Variants in UBE2QL1 observed in about 807,000 individuals in gnomAD.
UBE2QL1 encodes ubiquitin conjugating enzyme E2 QL1.
UBE2QL1 carries 5 observed loss-of-function variants against 12.6 expected under a neutral mutation model. The observed-to-expected ratio is 0.40, with a 90% CI of 0.21 to 0.83. The LOEUF is 0.83. Among genes scored for constraint, UBE2QL1 ranks in the 40% least tolerant of loss-of-function variants. UBE2QL1 has a pLI of 0.37. For synonymous variants in UBE2QL1, 96 were observed against 94.5 expected, an observed-to-expected ratio of 1.02 and a Z score of -0.10; for missense variants, 99 against 222.6, an observed-to-expected ratio of 0.44 and a Z score of 3.53.
intron 1 of UBE2QL1, among the ~76,000 whole-genome samples, chr5:6,465,555 T>C (rs1295010327): frequency 3.3e-5 from 5 of 152,168 alleles, no homozygotes; most frequent in Admixed American, 1.3e-4. Context: ...TCAACCTCGG[T>C]TTCCACTCCC....
intron 1 of UBE2QL1, among the ~76,000 whole-genome samples, chr5:6,456,854 C>T (rs566562804): frequency 5.3e-5 from 8 of 152,174 alleles, no homozygotes; most frequent in East Asian, 1.9e-4. Flanking sequence ...AGAAGCTGCC[C>T]GACCTTGCCC....
At chr5:6,484,833 C>T (rs758510437) in intron 1 of UBE2QL1, among the ~76,000 whole-genome samples, 5 of 151,808 alleles carry the variant, frequency 3.3e-5, no homozygotes, top group African/African-American at 1.2e-4. Context: ...CTGACAGATT[C>T]GGAACCCACC....
At chr5:6,457,485 C>A (rs1171508558) in intron 1 of UBE2QL1, among the ~76,000 whole-genome samples, 3 of 152,158 alleles carry the variant, frequency 2.0e-5, no homozygotes, top group Non-Finnish European at 4.4e-5. Context: ...TTTGTTTGTG[C>A]CAAATAGATG....
At chr5:6,471,272 A>G (rs928077314) in intron 1 of UBE2QL1, among the ~76,000 whole-genome samples, 1 of 152,208 alleles carries the variant, frequency 6.6e-6, no homozygotes, top group African/African-American at 2.4e-5. Flanking sequence ...TGTCTTGAAG[A>G]CACCAACATG....
chr5:6,448,987 C>T lies in UBE2QL1; in HGVS notation c.94C>T (p.His32Tyr). The T allele has an allele frequency of 6.5e-7, 1 of 1,549,946 alleles. No individual in the cohort carries two copies. The highest frequency in any genetic ancestry group is 8.7e-7 in the Non-Finnish European group (1 of 1,146,288). The change falls in exon 1 of 2, where the codon CAC (histidine) becomes TAC (tyrosine). Residue 32 changes from histidine to tyrosine, a missense_variant. His to Tyr is a moderately conservative substitution (Grantham distance 83). Transcript: ENST00000399816. Reference sequence around the variant, plus strand: ...CCTGTTCGACTGGAACGTGAAGCTGCACCAGGTGGACAAGGACTCGGTGCT... The same window carrying T: ...CCTGTTCGACTGGAACGTGAAGCTGTACCAGGTGGACAAGGACTCGGTGCT... ...ESLFDWNVKL[H>Y]QVDKDSVLWQ...
At chr5:6,449,825 TC>T (rs1739374857) in intron 1 of UBE2QL1, among the ~76,000 whole-genome samples, 1 of 150,960 alleles carries the variant, frequency 6.6e-6, no homozygotes, top group African/African-American at 2.4e-5. Flanking sequence ...TTTCTGGACC[TC>T]AGGATTTAAG....
intron 1 of UBE2QL1, among the ~76,000 whole-genome samples, chr5:6,480,176 G>C (rs1400467169): frequency 6.6e-6 from 1 of 152,222 alleles, no homozygotes; most frequent in East Asian, 1.9e-4. Context: ...GCCTGGCCTT[G>C]GGGTTCAGAG....
chr5:6,488,853 A>G (rs1267043452), intron 1 of UBE2QL1, among the ~76,000 whole-genome samples: 1 of 152,150 alleles, frequency 6.6e-6, no homozygotes, highest in Non-Finnish European at 1.5e-5. Context: ...CAAAGATGTG[A>G]AAGATGTGTT....
rs892498278 is a variant in UBE2QL1 at position 6,495,613 on chromosome 5, A to G, written c.*4264A>G. Among the ~76,000 whole-genome samples the G allele has an allele frequency of 2.0e-5, 3 of 152,192 alleles. No homozygotes were observed. The highest frequency in any genetic ancestry group is 4.4e-5 in the Non-Finnish European group (3 of 68,036). ...CCCATCATTGAATCAGTACAGTTGC[A>G]AGTCTTCCAAGCCAGCTGAGAAACA... On this transcript the variant is annotated 3_prime_UTR_variant, in exon 2 of 2. Transcript: ENST00000399816.
At chr5:6,470,678 G>C (rs1024183452) in intron 1 of UBE2QL1, among the ~76,000 whole-genome samples, 3 of 152,208 alleles carry the variant, frequency 2.0e-5, no homozygotes, top group Admixed American at 1.3e-4. Context: ...AGCCCCCAAG[G>C]GTGCAGGCTG....
At chr5:6,463,259 T>C (rs1739712108) in intron 1 of UBE2QL1, among the ~76,000 whole-genome samples, 1 of 152,210 alleles carries the variant, frequency 6.6e-6, no homozygotes. Context: ...AGTACATTCT[T>C]TTATTTATTC....
At chr5:6,487,124 T>G (rs1015679550) in intron 1 of UBE2QL1, among the ~76,000 whole-genome samples, 1 of 152,206 alleles carries the variant, frequency 6.6e-6, no homozygotes, top group African/African-American at 2.4e-5. Flanking sequence ...ATGAGAAGCA[T>G]TAGACAATTA....
chr5:6,470,601 G>A (rs1739891715), intron 1 of UBE2QL1, among the ~76,000 whole-genome samples: 1 of 152,182 alleles, frequency 6.6e-6, no homozygotes, highest in Admixed American at 6.5e-5. Flanking sequence ...AGTCTGAGGT[G>A]TGCACATCTT....
rs1734631215 is a variant in UBE2QL1 at position 6,494,430 on chromosome 5, T to C, written c.*3081T>C. 6.6e-6 allele frequency: 1 copy of C among 152,150 alleles called. No individual in the cohort carries two copies. The highest frequency in any genetic ancestry group is 1.5e-5 in the Non-Finnish European group (1 of 68,034). The allele number at this position is 152,150 out of a possible 1,614,324, so 9.4% of individuals were successfully genotyped here. On this transcript the variant is annotated 3_prime_UTR_variant, in exon 2 of 2. Transcript: ENST00000399816. ...CCATCTATCAAAATTTGACCTTTTT[T>C]TAAGAGAAAAATATGTAGATGAGTG...
intron 1 of UBE2QL1, among the ~76,000 whole-genome samples, chr5:6,483,265 G>C (rs1445398694): frequency 6.6e-6 from 1 of 151,956 alleles, no homozygotes; most frequent in Non-Finnish European, 1.5e-5. Flanking sequence ...GTGAAACCCC[G>C]TCTCTACTGA....
chr5:6,470,731 G>A (rs1394070604), intron 1 of UBE2QL1, among the ~76,000 whole-genome samples: 2 of 152,198 alleles, frequency 1.3e-5, no homozygotes, highest in Non-Finnish European at 2.9e-5. Context: ...CAGTTAGGAG[G>A]CCTCCAGTTC....
chr5:6,484,717 C>T (rs1649515690), intron 1 of UBE2QL1, among the ~76,000 whole-genome samples: 1 of 151,950 alleles, frequency 6.6e-6, no homozygotes, highest in African/African-American at 2.4e-5. Flanking sequence ...GGCTCATCAG[C>T]TCCAACAGCA....
intron 1 of UBE2QL1, among the ~76,000 whole-genome samples, 182 bp from the exon 2 acceptor site, chr5:6,491,036 G>C (rs1271303528): frequency 6.6e-6 from 1 of 152,200 alleles, no homozygotes; most frequent in Non-Finnish European, 1.5e-5. Context: ...TATCTGTTTG[G>C]TGCCAGAGCT....
At chr5:6,461,548 C>CT (rs528412815) in intron 1 of UBE2QL1, among the ~76,000 whole-genome samples, 2 of 118,772 alleles carry the variant, frequency 1.7e-5, no homozygotes, top group Non-Finnish European at 3.6e-5. Context: ...CCACCACCCC[C>CT]CCCCGCCGGC....
Sources: allele counts gnomAD v4.1 joint callset (sites outside exome capture counted in the v4.1 genomes callset), GRCh38; gene constraint gnomAD v4.1.1; transcripts MANE v1.5; gene names NCBI Gene and HGNC (gene_info 2026-07-23, HGNC 2026-07-21).